FBXO4: variants seen among roughly 807,000 people sequenced by gnomAD.
The protein encoded by FBXO4 is F-box protein 4, also known as F-box only protein 4.
A neutral mutation model predicts 43.7 loss-of-function variants in FBXO4; 36 were observed. The observed-to-expected ratio is 0.82, with a 90% CI of 0.63 to 1.09. FBXO4 has a LOEUF of 1.09. Among genes scored for constraint, FBXO4 ranks in the 50% least tolerant of loss-of-function variants. FBXO4 has a pLI of 0.00. For missense variants in FBXO4, 435 were observed against 474.1 expected (o/e 0.92, Z 0.77); for synonymous variants, 180 against 165.6 (o/e 1.09, Z -0.67).
chr5:41,971,167 G>A, the FBXO4 span, among the ~76,000 whole-genome samples: 1 of 151,448 alleles, frequency 6.6e-6, no homozygotes, highest in African/African-American at 2.4e-5. Context: ...GGAATGGTAT[G>A]TACAATAAAA....
At chr5:41,964,891 G>C in the FBXO4 span, among the ~76,000 whole-genome samples, 1 of 152,060 alleles carries the variant, frequency 6.6e-6, no homozygotes, top group African/African-American at 2.4e-5. Context: ...AGTTTAACTA[G>C]ATCCCATTTG....
the FBXO4 span, among the ~76,000 whole-genome samples, chr5:42,033,669 T>G: frequency 2.6e-5 from 4 of 152,320 alleles, no homozygotes; most frequent in African/African-American, 9.6e-5. Flanking sequence ...CTGAGGATGA[T>G]GGCTTACAGC....
rs185080570 is a variant in FBXO4 at position 41,941,457 on chromosome 5, A to G, written c.*176A>G. 2.2e-5 allele frequency: 9 copies of G among 410,602 alleles called. No individual in the cohort carries two copies. The East Asian group carries it at 3.2e-4, about 15-fold the overall frequency. The allele number at this position is 410,602 out of a possible 1,614,324, so 25.4% of individuals were successfully genotyped here. A position where few individuals can be genotyped will look rare whatever the true frequency, so the allele number is the denominator to read the frequency against. ...TTTTACTCTTTACCATAAATCAATTACAAGAAAAGAGTTTCAGTCCTAGTA... is the reference window on the plus strand; with the variant it reads ...TTTTACTCTTTACCATAAATCAATTGCAAGAAAAGAGTTTCAGTCCTAGTA... On this transcript the variant is annotated 3_prime_UTR_variant, in exon 7 of 7. Transcript: ENST00000281623.
the FBXO4 span, among the ~76,000 whole-genome samples, chr5:42,016,577 AT>A: frequency 3.3e-5 from 5 of 151,932 alleles, no homozygotes; most frequent in South Asian, 2.1e-4. Context: ...TAAATAAACA[AT>A]TTTTTTATTT....
At chr5:42,022,824 G>A in the FBXO4 span, among the ~76,000 whole-genome samples, 16 of 152,050 alleles carry the variant, frequency 1.1e-4, no homozygotes, top group Admixed American at 2.6e-4. Context: ...GGGTATGAGA[G>A]TGTGGAGATG....
chr5:41,943,649 A>G (rs1368427778), downstream of FBXO4, among the ~76,000 whole-genome samples: 1 of 152,186 alleles, frequency 6.6e-6, no homozygotes, highest in Non-Finnish European at 1.5e-5. Flanking sequence ...AAAAAGTGTC[A>G]CTGTTTAATC....
chr5:41,985,771 G>A, the FBXO4 span, among the ~76,000 whole-genome samples: 1 of 152,064 alleles, frequency 6.6e-6, no homozygotes, highest in Non-Finnish European at 1.5e-5. Flanking sequence ...GCTCATTTAA[G>A]AGCTTAACAT....
At chr5:41,954,882 G>C in the FBXO4 span, among the ~76,000 whole-genome samples, 1 of 152,172 alleles carries the variant, frequency 6.6e-6, no homozygotes, top group Non-Finnish European at 1.5e-5. Context: ...TAATGTGTGT[G>C]TCTGTTTCTT....
At chr5:41,931,449 A>G (rs1460371590) in intron 3 of FBXO4, among the ~76,000 whole-genome samples, 1 of 152,228 alleles carries the variant, frequency 6.6e-6, no homozygotes, top group Admixed American at 6.5e-5. Context: ...AGATCTGTAT[A>G]GGGAGAATGG....
At chr5:41,991,109 C>A in the FBXO4 span, among the ~76,000 whole-genome samples, 199 of 152,306 alleles carry the variant, frequency 1.3e-3, 9 homozygotes, top group East Asian at 0.034. Flanking sequence ...CTACATCTCA[C>A]TCTTATATCC....
the FBXO4 span, among the ~76,000 whole-genome samples, chr5:42,017,092 A>G: frequency 1.3e-5 from 2 of 152,052 alleles, no homozygotes; most frequent in African/African-American, 4.8e-5. Context: ...TATCGTATAT[A>G]GTATAGATAT....
chr5:41,951,128 G>C, the FBXO4 span, among the ~76,000 whole-genome samples: 2 of 152,172 alleles, frequency 1.3e-5, no homozygotes, highest in Non-Finnish European at 2.9e-5. Flanking sequence ...TGGTTGACGG[G>C]TGCAGCAAAC....
At chr5:42,026,491 T>A in the FBXO4 span, among the ~76,000 whole-genome samples, 1 of 151,858 alleles carries the variant, frequency 6.6e-6, no homozygotes, top group Non-Finnish European at 1.5e-5. Flanking sequence ...AAATAGAAGA[T>A]TATATCATCT....
chr5:41,926,584 A>G (rs1258919434), intron 1 of FBXO4, among the ~76,000 whole-genome samples: 1 of 152,220 alleles, frequency 6.6e-6, no homozygotes, highest in East Asian at 1.9e-4. Flanking sequence ...AAAAAGAAAA[A>G]GACAAATGTA....
the FBXO4 span, among the ~76,000 whole-genome samples, chr5:42,035,471 T>C: frequency 6.6e-6 from 1 of 152,140 alleles, no homozygotes; most frequent in Non-Finnish European, 1.5e-5. Context: ...TTTTTAAATA[T>C]TGTGAAACTG....
chr5:42,035,772 G>A, the FBXO4 span, among the ~76,000 whole-genome samples: 1 of 152,120 alleles, frequency 6.6e-6, no homozygotes, highest in Non-Finnish European at 1.5e-5. Flanking sequence ...TTGGTATGCA[G>A]TGAAAGTCCT....
the FBXO4 span, among the ~76,000 whole-genome samples, chr5:41,986,524 T>C: frequency 6.6e-6 from 1 of 152,168 alleles, no homozygotes; most frequent in Admixed American, 6.5e-5. Flanking sequence ...CATAATTGAA[T>C]TTCAATGAGG....
At chr5:41,979,367 T>C in the FBXO4 span, among the ~76,000 whole-genome samples, 4,167 of 152,300 alleles carry the variant, frequency 0.027, 110 homozygotes, top group Non-Finnish European at 0.038. Flanking sequence ...TTCTACCCAG[T>C]GTTAATTATG....
At chr5:41,980,791 T>G in the FBXO4 span, among the ~76,000 whole-genome samples, 1 of 152,022 alleles carries the variant, frequency 6.6e-6, no homozygotes, top group African/African-American at 2.4e-5. Context: ...TTTGTTTCTT[T>G]TAACCCAAGT....
Sources: gnomAD v4.1 joint callset for allele counts (sites outside exome capture counted in the v4.1 genomes callset) on GRCh38, gnomAD v4.1.1 for gene constraint, MANE v1.5 for transcripts, NCBI Gene and HGNC (gene_info 2026-07-23, HGNC 2026-07-21) for gene names.